Variants in MAP1A observed in about 807,000 individuals in gnomAD.
MAP1A encodes the protein microtubule-associated protein 1A.
A neutral mutation model predicts 185.9 loss-of-function variants in MAP1A; 42 were observed. The observed-to-expected ratio is 0.23, with a 90% CI of 0.18 to 0.29. The LOEUF (loss-of-function observed/expected upper bound fraction) is 0.29. MAP1A is among the 10% of genes least tolerant of loss of function. MAP1A has a pLI of 1.00. For missense variants in MAP1A, 2,995 were observed against 3,450.4 expected (o/e 0.87, Z 3.31); for synonymous variants, 1,229 against 1,335.9 (o/e 0.92, Z 1.74).
upstream of MAP1A, among the ~76,000 whole-genome samples, chr15:43,516,643 G>A (rs1182519034): frequency 1.3e-5 from 2 of 152,144 alleles, no homozygotes; most frequent in Non-Finnish European, 2.9e-5. Context: ...TAGAGACTAA[G>A]GGAAACAGGA....
Position 43,521,550 on chromosome 15 carries a change from C to A in MAP1A, c.77C>A (p.Pro26His), listed in dbSNP as rs756893058. ...CCATCCCCATTTGACCTACTAGAGC[C>A]CCCCACCTCAGGGGGCTTCCTCAAG... ...DVPSPFDLLE[P>H]PTSGGFLKLS... Residue 26 changes from proline (P) to histidine (H), a missense_variant, in exon 4 of 6, where the codon CCC becomes CAC. Physicochemically the swap from Pro to His is moderately conservative, Grantham distance 77. Around this residue, in one of 3 missense-constraint regions of MAP1A, gnomAD observed 264 missense variants for 435.3 expected, o/e 0.61. Transcript: ENST00000300231. This position sits in a 1 kb window ranked among gnomAD's most constrained non-coding sequence, Gnocchi z 4.6. The A allele has an allele frequency of 1.9e-6, 3 of 1,614,142 alleles. No individual in the cohort carries two copies. Among genetic ancestry groups the A allele is most frequent in the South Asian group, 2.2e-5 (2 of 91,078 alleles).
rs2079367247 is a variant in MAP1A, at chr15:43,530,419, C to A, written c.*195C>A. The stretch of plus-strand genomic sequence containing the variant: ...TCCATTCCTGTGAGGTGTCTCAAAC[C>A]AAAGTTAACAGGGAGAGGATGGGGG... On this transcript the variant is annotated 3_prime_UTR_variant, in exon 6 of 6. Transcript: ENST00000300231. 1 of 636,038 alleles carries A rather than the reference C, an allele frequency of 1.6e-6. No homozygotes were observed. Among genetic ancestry groups the A allele is most frequent in the Non-Finnish European group, 2.7e-6 (1 of 373,358 alleles). 39.4% of individuals were successfully genotyped at this position (636,038 alleles called of 1,614,324 possible). A position where few individuals can be genotyped will look rare whatever the true frequency, so the allele number is the denominator to read the frequency against.
In MAP1A at chr15:43,520,125, C is replaced by T. The variant is rs530884945; in HGVS notation, c.-374-516C>T. On this transcript the variant is annotated intron_variant, in intron 1 of 5. Transcript: ENST00000300231. ...GGTCTTCTGGAACAGGAATTCTGGC[C>T]TTGGATGGCAAGAAGGGTGGGGAGT... Among the ~76,000 whole-genome samples the T allele has an allele frequency of 2.0e-4, 30 of 152,284 alleles. No homozygotes were observed. The South Asian group carries it at 5.8e-3, about 29-fold the overall frequency.
rs562526442 is a variant in MAP1A at position 43,521,389 on chromosome 15, G to A, written c.-85G>A. ...CCTTCCTTACCGTGTCCTGCTTAGG[G>A]GAAGGTGATTGGAGCCACCTGGGAT... On this transcript the variant is annotated 5_prime_UTR_variant, in exon 4 of 6. Transcript: ENST00000300231. The surrounding 1 kb of genome is among the most constrained non-coding windows in gnomAD (Gnocchi z 4.6). The A allele has an allele frequency of 1.2e-5, 20 of 1,613,898 alleles. No individual in the cohort carries two copies. Among genetic ancestry groups the A allele is most frequent in the Admixed American group, 1.7e-5 (1 of 60,020 alleles).
Position 43,530,051 on chromosome 15 carries a change from A to G in MAP1A, c.8257-18A>G, listed in dbSNP as rs371934267. 60 of 1,613,530 alleles carry G rather than the reference A, an allele frequency of 3.7e-5. No individual in the cohort carries two copies. The African/African-American group carries it at 6.9e-4, about 19-fold the overall frequency. On this transcript the variant is annotated intron_variant, in intron 5 of 5. Transcript: ENST00000300231. Reference sequence around the variant, plus strand: ...CCCTTTATGTTCTCACATCAGACATATCTTATCTCCCTTCTAGGTGACTCT... The same window carrying G: ...CCCTTTATGTTCTCACATCAGACATGTCTTATCTCCCTTCTAGGTGACTCT...
Position 43,529,773 on chromosome 15 carries a change from A to G in MAP1A, c.8159A>G (p.Tyr2720Cys), listed in dbSNP as rs1566979786. 6.2e-7 allele frequency: 1 copy of G among 1,614,062 alleles called. No homozygotes were observed. Among genetic ancestry groups the G allele is most frequent in the Non-Finnish European group, 8.5e-7 (1 of 1,180,008 alleles). Residue 2720 changes from tyrosine to cysteine, a missense_variant, in exon 5 of 6, where the codon TAT (tyrosine) becomes TGT (cysteine). Coordinates refer to ENST00000300231, the MANE Select transcript of MAP1A (RefSeq NM_002373.6). This position sits in a 1 kb window ranked among gnomAD's most constrained non-coding sequence, Gnocchi z 4.3. ...TTCCGTCGAGTGCGTGCATCCTACT[A>G]TGTGGTCAGTGGGAATGACCCTGCC... ...DFFRRVRASYYVVSGNDPANG... is the reference protein window; with the variant it reads ...DFFRRVRASYCVVSGNDPANG...
At position 43,526,575 on chromosome 15, in the gene MAP1A, G is replaced by T; in HGVS notation, c.5102G>T (p.Ser1701Ile). ...LEQDTYWREL[S>I]CERKVWFPHE... Reference sequence around the variant, plus strand: ...CAGGACACATACTGGAGGGAGCTAAGCTGTGAGCGGAAGGTCTGGTTCCCT... The same window carrying T: ...CAGGACACATACTGGAGGGAGCTAATCTGTGAGCGGAAGGTCTGGTTCCCT... Residue 1701 changes from serine (S) to isoleucine (I), a missense_variant, in exon 4 of 6, where the codon AGC (serine) becomes ATC (isoleucine). Physicochemically the swap from Ser to Ile is moderately radical, Grantham distance 142. Transcript: ENST00000300231. This position sits in a 1 kb window ranked among gnomAD's most constrained non-coding sequence, Gnocchi z 4.7. 1 of 1,614,212 alleles carries T rather than the reference G, an allele frequency of 6.2e-7. No homozygotes were observed. Among genetic ancestry groups the T allele is most frequent in the Non-Finnish European group, 8.5e-7 (1 of 1,180,038 alleles).
In MAP1A at chr15:43,526,685, C is replaced by T; in HGVS notation, c.5212C>T (p.Gln1738Ter). 6.2e-7 allele frequency: 1 copy of T among 1,614,012 alleles called. No individual in the cohort carries two copies. Among genetic ancestry groups the T allele is most frequent in the Non-Finnish European group, 8.5e-7 (1 of 1,180,012 alleles). ...TFLDEGPDDE[Q>*]EVPLREHATR... ...CCTAGATGAGGGCCCAGATGATGAG[C>T]AAGAAGTACCCCTGCGGGAACACGC... The change falls in exon 4 of 6, where the codon CAA (glutamine) becomes TAA (stop). Residue 1738 changes from glutamine (Q) to a stop codon, truncating the protein, a stop_gained. Transcript: ENST00000300231. LOFTEE classifies it high-confidence loss of function. The surrounding 1 kb of genome is among the most constrained non-coding windows in gnomAD (Gnocchi z 4.7).
intron 1 of MAP1A, among the ~76,000 whole-genome samples, chr15:43,520,293 C>T (rs2079314260): frequency 6.6e-6 from 1 of 152,164 alleles, no homozygotes; most frequent in South Asian, 2.1e-4. Flanking sequence ...CCCCCCATCC[C>T]CAGGCAGCAC....
In MAP1A at chr15:43,528,599, A is replaced by C. The variant is rs2079356687; in HGVS notation, c.7126A>C (p.Lys2376Gln). 6.2e-7 allele frequency: 1 copy of C among 1,613,882 alleles called. No homozygotes were observed. Among genetic ancestry groups the C allele is most frequent in the Admixed American group, 1.7e-5 (1 of 60,018 alleles). ...SPNPPGPAPA[K>Q]AENEEAAACP... Reference sequence around the variant, plus strand: ...TAACCCCCCAGGCCCTGCCCCAGCCAAGGCTGAAAATGAAGAGGCTGCGGC... The same window carrying C: ...TAACCCCCCAGGCCCTGCCCCAGCCCAGGCTGAAAATGAAGAGGCTGCGGC... Residue 2376 changes from lysine to glutamine, a missense_variant, in exon 4 of 6, where the codon AAG (lysine) becomes CAG (glutamine). By Grantham distance (53) the Lys-to-Gln change is moderately conservative. Coordinates refer to ENST00000300231, the MANE Select transcript of MAP1A (RefSeq NM_002373.6).
chr15:43,511,203 C>T, exon 1 of MAP1A: 1 of 1,550,504 alleles, frequency 6.4e-7, no homozygotes, highest in Non-Finnish European at 8.7e-7. Context: ...CAGCTGAGGG[C>T]CGTGCGGGCC....
Position 43,526,735 on chromosome 15 carries a change from C to T in MAP1A, c.5262C>T (p.Asp1754=). ...CAACCCGGAGCCCCTGGGCCTCAGA[C>T]TTCAAGGATTTCCAGGAATCCTCAC... The part of the protein sequence containing the change: ...EHATRSPWAS[D]FKDFQESSPQ... Residue 1754 remains aspartate, a synonymous_variant, in exon 4 of 6, where the codon GAC becomes GAT. Coordinates refer to ENST00000300231, the MANE Select transcript of MAP1A (RefSeq NM_002373.6). This position sits in a 1 kb window ranked among gnomAD's most constrained non-coding sequence, Gnocchi z 4.7. 1 of 1,614,114 alleles carries T rather than the reference C, an allele frequency of 6.2e-7. No homozygotes were observed. Among genetic ancestry groups the T allele is most frequent in the Non-Finnish European group, 8.5e-7 (1 of 1,180,014 alleles).
At chr15:43,511,133 C>G in exon 1 of MAP1A, 1 of 1,550,468 alleles carries the variant, frequency 6.4e-7, no homozygotes, top group Admixed American at 2.0e-5. Context: ...GGCGGCTGCA[C>G]GCTGGGACCT....
chr15:43,519,148 C>T (rs535140287), intron 1 of MAP1A, among the ~76,000 whole-genome samples: 24 of 152,270 alleles, frequency 1.6e-4, no homozygotes, highest in African/African-American at 5.3e-4. Context: ...GGCAGCTTCC[C>T]GAACCTTGAT....
chr15:43,524,494 C>T lies in MAP1A; in HGVS notation c.3021C>T (p.His1007=). The T allele has an allele frequency of 3.1e-6, 5 of 1,614,190 alleles. No homozygotes were observed. The highest frequency in any genetic ancestry group is 3.4e-6 in the Non-Finnish European group (4 of 1,180,040). The change falls in exon 4 of 6, where the codon CAC becomes CAT. Residue 1007 remains histidine (H), a synonymous_variant. Coordinates refer to ENST00000300231, the MANE Select transcript of MAP1A (RefSeq NM_002373.6). ...PPPSGPPSAT[H]TPFHQSPVEE... ...CATCTGGCCCACCCAGTGCCACCCACACACCCTTTCATCAGTCCCCAGTGG... is the reference window on the plus strand; with the variant it reads ...CATCTGGCCCACCCAGTGCCACCCATACACCCTTTCATCAGTCCCCAGTGG...
chr15:43,524,941 C>T lies in MAP1A; in HGVS notation c.3468C>T (p.Leu1156=). The T allele has an allele frequency of 6.2e-7, 1 of 1,614,170 alleles. No individual in the cohort carries two copies. Among genetic ancestry groups the T allele is most frequent in the Non-Finnish European group, 8.5e-7 (1 of 1,180,032 alleles). The change falls in exon 4 of 6, where the codon CTC becomes CTT. Residue 1156 remains leucine (L), a synonymous_variant. Coordinates refer to ENST00000300231, the MANE Select transcript of MAP1A (RefSeq NM_002373.6). ...AAGATGCAGAATCCCTCTCTGTCCT[C>T]AGCGTGCCCTCCCCAGACACTGCCA... ...SPEDAESLSV[L]SVPSPDTANQ...
In MAP1A at chr15:43,521,169, A is replaced by T; in HGVS notation, c.-151+57A>T. The T allele has an allele frequency of 6.6e-7, 1 of 1,507,258 alleles. No individual in the cohort carries two copies. The highest frequency in any genetic ancestry group is 8.8e-7 in the Non-Finnish European group (1 of 1,131,274). The allele number at this position is 1,507,258 out of a possible 1,614,324, so 93.4% of individuals were successfully genotyped here. ...GGGTAGCACTAGAGCTGTGGGAGGGATCTAAGGGAAAGTCTCATATTGCAT... is the reference window on the plus strand; with the variant it reads ...GGGTAGCACTAGAGCTGTGGGAGGGTTCTAAGGGAAAGTCTCATATTGCAT... On this transcript the variant is annotated intron_variant, in intron 3 of 5. Transcript: ENST00000300231. The surrounding 1 kb of genome is among the most constrained non-coding windows in gnomAD (Gnocchi z 4.6).
At chr15:43,513,547 C>T (rs1216588731), upstream of MAP1A, among the ~76,000 whole-genome samples, 2 of 152,252 alleles carry the variant, frequency 1.3e-5, no homozygotes, top group Non-Finnish European at 2.9e-5. Flanking sequence ...CTGCTCCTAA[C>T]TGCCAAATCT....
In MAP1A at chr15:43,528,238, G is replaced by A. The variant is rs771486059; in HGVS notation, c.6765G>A (p.Leu2255=). 4 of 1,614,034 alleles carry A rather than the reference G, an allele frequency of 2.5e-6. No individual in the cohort carries two copies. Among genetic ancestry groups the A allele is most frequent in the Non-Finnish European group, 2.5e-6 (3 of 1,180,026 alleles). Residue 2255 remains leucine (L), a synonymous_variant, in exon 4 of 6, where the codon CTG becomes CTA. Coordinates refer to ENST00000300231, the MANE Select transcript of MAP1A (RefSeq NM_002373.6). ...SNLPRPASPA[L]SEGSSSEATT... Reference sequence around the variant, plus strand: ...TGCCACGACCTGCCTCACCAGCCCTGTCTGAGGGCTCCTCCTCTGAGGCTA... The same window carrying A: ...TGCCACGACCTGCCTCACCAGCCCTATCTGAGGGCTCCTCCTCTGAGGCTA...
Sources: gnomAD v4.1 joint callset for allele counts (sites outside exome capture counted in the v4.1 genomes callset) on GRCh38, gnomAD v4.1.1 for gene constraint, gnomAD v4.1.1 regional missense constraint, Gnocchi (gnomAD v3.1) non-coding constraint, MANE v1.5 for transcripts, NCBI Gene and HGNC (gene_info 2026-07-23, HGNC 2026-07-21) for gene names.